Variants in AIG1 observed in about 807,000 individuals in gnomAD.
AIG1 encodes androgen-induced gene 1 protein.
In AIG1, 23 loss-of-function variants were observed where a neutral mutation model predicts 31.4. The observed-to-expected ratio is 0.73, with a 90% CI of 0.53 to 1.04. The LOEUF (loss-of-function observed/expected upper bound fraction) is 1.04, where lower values mean the gene tolerates loss of function less well. Ranked by LOEUF, AIG1 falls within the 50% of genes least tolerant of loss-of-function variation. The pLI, the probability that AIG1 is intolerant of heterozygous loss-of-function variation, is 0.00. For missense variants in AIG1, 274 were observed against 295.0 expected (o/e 0.93, Z 0.52); for synonymous variants, 100 against 110.5 (o/e 0.90, Z 0.60).
intron 3 of AIG1, among the ~76,000 whole-genome samples, chr6:143,178,105 C>T (rs1309596496): frequency 2.0e-5 from 3 of 152,162 alleles, no homozygotes; most frequent in Admixed American, 6.5e-5. Flanking sequence ...CTGAGGAGTG[C>T]GTGCATTGCC....
At chr6:143,337,732 C>A (rs903919665) in intron 5 of AIG1, among the ~76,000 whole-genome samples, 2 of 152,094 alleles carry the variant, frequency 1.3e-5, no homozygotes, top group Admixed American at 1.3e-4. Flanking sequence ...CAGGTCATTT[C>A]CCCCCAGGCC....
At chr6:143,156,963 AT>A (rs1785831590) in intron 2 of AIG1, among the ~76,000 whole-genome samples, 1 of 152,236 alleles carries the variant, frequency 6.6e-6, no homozygotes, top group African/African-American at 2.4e-5. Flanking sequence ...GCACTGGCCA[AT>A]GGATGCCCTG....
Position 143,095,326 on chromosome 6 carries a change from A to T in AIG1, c.141+34260A>T, listed in dbSNP as rs191082248. ...ATTACTAGTGCAGGAAGCAAAAAAAATTAAAAGACTACTGTATGAATTGAA... is the reference window on the plus strand; with the variant it reads ...ATTACTAGTGCAGGAAGCAAAAAAATTTAAAAGACTACTGTATGAATTGAA... On this transcript the variant is annotated intron_variant, in intron 1 of 5. Coordinates refer to ENST00000357847, the MANE Select transcript of AIG1 (RefSeq NM_016108.4). Among the ~76,000 whole-genome samples, 120 of 152,320 alleles carry T rather than the reference A, an allele frequency of 7.9e-4. 2 individuals are homozygous for T. The East Asian group carries it at 0.021, about 26-fold the overall frequency.
chr6:143,336,488 T>C (rs1381674702), intron 5 of AIG1, among the ~76,000 whole-genome samples: 1 of 152,200 alleles, frequency 6.6e-6, no homozygotes, highest in East Asian at 1.9e-4. Context: ...AGAATACCAG[T>C]TGTATTTGAT....
chr6:143,104,965 T>C (rs1254843927), intron 1 of AIG1, among the ~76,000 whole-genome samples: 1 of 151,990 alleles, frequency 6.6e-6, no homozygotes, highest in Non-Finnish European at 1.5e-5. Context: ...AGGCCTCGAA[T>C]TGAACTCCAA....
chr6:143,073,323 A>G (rs1157788370), intron 1 of AIG1, among the ~76,000 whole-genome samples: 2 of 152,210 alleles, frequency 1.3e-5, no homozygotes, highest in Admixed American at 1.3e-4. Context: ...ATGATGCTGC[A>G]ATGAACATGG....
intron 1 of AIG1, among the ~76,000 whole-genome samples, chr6:143,096,504 A>T (rs1162700534): frequency 2.0e-5 from 3 of 152,238 alleles, no homozygotes; most frequent in African/African-American, 7.2e-5. Flanking sequence ...TGACTAAGTT[A>T]TTTTAAAGAC....
intron 3 of AIG1, among the ~76,000 whole-genome samples, chr6:143,169,410 A>G (rs1188686633): frequency 6.6e-6 from 1 of 152,228 alleles, no homozygotes; most frequent in Non-Finnish European, 1.5e-5. Context: ...TAATTAGCAT[A>G]TATATTTTCT....
rs34030336 is a variant in AIG1 at position 143,279,682 on chromosome 6, G to C, written c.400-4428G>C. Among the ~76,000 whole-genome samples the C allele has an allele frequency of 2.6e-5, 4 of 152,046 alleles. No individual in the cohort carries two copies. The highest frequency in any genetic ancestry group is 9.7e-5 in the African/African-American group (4 of 41,378). ...CATGGCAGTGGAGTCAGTTCACTCC[G>C]CTCCATCACGGGGGACCCACCAAGA... On this transcript the variant is annotated intron_variant, in intron 3 of 5. Transcript: ENST00000357847. The surrounding 1 kb of genome is among the most constrained non-coding windows in gnomAD (Gnocchi z 5.4).
chr6:143,066,891 T>G (rs553430548), intron 1 of AIG1, among the ~76,000 whole-genome samples: 174 of 152,018 alleles, frequency 1.1e-3, no homozygotes, highest in Middle Eastern at 3.4e-3. Context: ...ACATTAAGGG[T>G]GGGTATGGTG....
chr6:143,109,171 G>GT (rs931466432), intron 1 of AIG1, among the ~76,000 whole-genome samples: 12 of 151,996 alleles, frequency 7.9e-5, no homozygotes, highest in African/African-American at 2.9e-4. Flanking sequence ...CATTCTTGTG[G>GT]TTGTGTGTTC....
intron 3 of AIG1, among the ~76,000 whole-genome samples, chr6:143,178,393 G>C (rs768745092): frequency 6.6e-6 from 1 of 152,200 alleles, no homozygotes; most frequent in Non-Finnish European, 1.5e-5. Context: ...ATGGGACCCA[G>C]CTTGATTTCC....
At chr6:143,169,028 T>C (rs1169911931) in intron 3 of AIG1, among the ~76,000 whole-genome samples, 2 of 151,204 alleles carry the variant, frequency 1.3e-5, no homozygotes, top group Non-Finnish European at 2.9e-5. Context: ...ATATTAAATA[T>C]TTTAATATTT....
intron 1 of AIG1, among the ~76,000 whole-genome samples, chr6:143,096,185 C>T (rs1779773043): frequency 6.6e-6 from 1 of 152,128 alleles, no homozygotes; most frequent in Non-Finnish European, 1.5e-5. Context: ...GGATTACAGG[C>T]GTGAGCCACC....
rs1303154929 is a variant in AIG1 at position 143,329,067 on chromosome 6, T to G, written c.516-4215T>G. ...AACAAATGGTGAAAGCACAACTTGT[T>G]AAGACAAGTGGATGCATCATTCACA... On this transcript the variant is annotated intron_variant, in intron 4 of 5. Coordinates refer to ENST00000357847, the MANE Select transcript of AIG1 (RefSeq NM_016108.4). The surrounding 1 kb of genome is among the most constrained non-coding windows in gnomAD (Gnocchi z 4.9). Among the ~76,000 whole-genome samples the G allele has an allele frequency of 6.6e-6, 1 of 152,214 alleles. No homozygotes were observed.
At chr6:143,265,040 T>G (rs1000290423) in intron 3 of AIG1, among the ~76,000 whole-genome samples, 3 of 152,224 alleles carry the variant, frequency 2.0e-5, no homozygotes, top group African/African-American at 7.2e-5. Context: ...GAAATCATGC[T>G]TATGTTTCTC....
Position 143,074,412 on chromosome 6 carries a change from G to C in AIG1, c.141+13346G>C, listed in dbSNP as rs113520646. ...TGATGTCGATTATGCATTTCATGTT[G>C]AATTTTGTATATGGCGCAAGAGAAT... On this transcript the variant is annotated intron_variant, in intron 1 of 5. Transcript: ENST00000357847. Among the ~76,000 whole-genome samples, 442 of 152,276 alleles carry C rather than the reference G, an allele frequency of 2.9e-3. 4 individuals are homozygous for C. Among genetic ancestry groups the C allele is most frequent in the African/African-American group, 0.01 (424 of 41,546 alleles).
intron 1 of AIG1, among the ~76,000 whole-genome samples, chr6:143,126,721 T>G (rs1782714234): frequency 6.6e-6 from 1 of 152,228 alleles, no homozygotes; most frequent in Non-Finnish European, 1.5e-5. Flanking sequence ...AAGTACCTCA[T>G]GATATGTGAC....
At chr6:143,078,509 G>A (rs553788150) in intron 1 of AIG1, among the ~76,000 whole-genome samples, 47 of 152,232 alleles carry the variant, frequency 3.1e-4, no homozygotes, top group African/African-American at 1.1e-3. Flanking sequence ...TTCGAGACTC[G>A]GTAATTTATA....
Sources: allele counts gnomAD v4.1 joint callset (sites outside exome capture counted in the v4.1 genomes callset), GRCh38; gene constraint gnomAD v4.1.1; non-coding constraint Gnocchi (gnomAD v3.1); transcripts MANE v1.5; gene names NCBI Gene and HGNC (gene_info 2026-07-23, HGNC 2026-07-21).